The following TMCO5A variants were observed in gnomAD, a reference collection of about 807,000 sequenced individuals.
TMCO5A encodes transmembrane and coiled-coil domain-containing protein 5A.
Under a neutral mutation model 42.3 loss-of-function variants are expected in TMCO5A, and 34 were observed. That is an observed-to-expected ratio of 0.80 (90% CI 0.61 to 1.07). The LOEUF is 1.07. Among genes scored for constraint, TMCO5A ranks in the 50% least tolerant of loss-of-function variants. The pLI is 0.00. For missense variants in TMCO5A, 357 were observed against 327.9 expected (o/e 1.09, Z -0.69); for synonymous variants, 131 against 115.6 (o/e 1.13, Z -0.86).
the TMCO5A span, among the ~76,000 whole-genome samples, chr15:37,999,908 T>C: frequency 1.3e-5 from 2 of 152,158 alleles, no homozygotes; most frequent in Non-Finnish European, 2.9e-5. Flanking sequence ...GTCTAATGTG[T>C]TGTTGAATTT....
chr15:38,008,052 C>A, the TMCO5A span, among the ~76,000 whole-genome samples: 1 of 151,724 alleles, frequency 6.6e-6, no homozygotes, highest in Non-Finnish European at 1.5e-5. Flanking sequence ...CCTGCCACCA[C>A]GCCTGGCTAA....
At chr15:37,977,477 C>CA in the TMCO5A span, among the ~76,000 whole-genome samples, 1 of 152,190 alleles carries the variant, frequency 6.6e-6, no homozygotes, top group East Asian at 1.9e-4. Flanking sequence ...TGTATATTAG[C>CA]AAAGTATTTT....
At chr15:37,990,951 T>A in the TMCO5A span, among the ~76,000 whole-genome samples, 1 of 152,128 alleles carries the variant, frequency 6.6e-6, no homozygotes, top group Non-Finnish European at 1.5e-5. Context: ...ACAAATTACG[T>A]CTTTATACGT....
At chr15:38,038,898 A>G in the TMCO5A span, among the ~76,000 whole-genome samples, 2 of 152,210 alleles carry the variant, frequency 1.3e-5, no homozygotes, top group East Asian at 1.9e-4. Context: ...CTGCACACTG[A>G]GTCATCTCTA....
chr15:37,976,425 G>C, the TMCO5A span, among the ~76,000 whole-genome samples: 1 of 152,040 alleles, frequency 6.6e-6, no homozygotes, highest in Non-Finnish European at 1.5e-5. Flanking sequence ...GGGGTTCTCT[G>C]TATTTCTTGA....
At chr15:38,010,424 A>AGCACACACACACAC in the TMCO5A span, among the ~76,000 whole-genome samples, 1 of 30,058 alleles carries the variant, frequency 3.3e-5, no homozygotes. Context: ...GCAGAGGGAG[A>AGCACACACACACAC]TCACACACAC....
the TMCO5A span, chr15:38,040,275 T>C: frequency 0.24 from 36,251 of 152,062 alleles, 4,982 homozygotes; most frequent in East Asian, 0.54. Flanking sequence ...ATGGGGATAC[T>C]TAAGGTCCAT....
the TMCO5A span, among the ~76,000 whole-genome samples, chr15:38,038,702 G>A: frequency 2.1e-4 from 32 of 152,206 alleles, no homozygotes; most frequent in Admixed American, 1.9e-3. Context: ...CACAACACCC[G>A]GCCTCGGAAG....
chr15:37,997,466 G>T, the TMCO5A span, among the ~76,000 whole-genome samples: 3 of 152,286 alleles, frequency 2.0e-5, no homozygotes, highest in East Asian at 5.8e-4. Flanking sequence ...TGAAAATGTG[G>T]TTTGTCTTTC....
chr15:37,938,953 C>A (rs187771991), intron 6 of TMCO5A, among the ~76,000 whole-genome samples: 1 of 152,102 alleles, frequency 6.6e-6, no homozygotes, highest in Non-Finnish European at 1.5e-5. Flanking sequence ...TTTGCCAACA[C>A]TGACATACTG....
the TMCO5A span, among the ~76,000 whole-genome samples, chr15:38,012,688 A>G: frequency 4.1e-3 from 630 of 152,326 alleles, 4 homozygotes; most frequent in African/African-American, 0.014. Context: ...TAAAAGAAGC[A>G]TAAAATTGTG....
chr15:37,943,276 C>A, intron 9 of TMCO5A, 65 bp from the exon 10 acceptor site: 3 of 1,484,120 alleles, frequency 2.0e-6, no homozygotes, highest in Non-Finnish European at 2.8e-6. Flanking sequence ...TTAAAATAAC[C>A]ATAGTGTAGT....
At chr15:37,936,202 C>T (rs1325890172) in intron 2 of TMCO5A, 112 bp from the exon 3 acceptor site, 4 of 1,241,222 alleles carry the variant, frequency 3.2e-6, no homozygotes. Flanking sequence ...TGGTATGCCC[C>T]CAGAGAGAGT....
At chr15:38,027,179 C>T in the TMCO5A span, among the ~76,000 whole-genome samples, 3,371 of 152,158 alleles carry the variant, frequency 0.022, 147 homozygotes, top group African/African-American at 0.077. Flanking sequence ...CCTGGAAAAA[C>T]GGCAGACACT....
At chr15:38,038,143 T>C in the TMCO5A span, among the ~76,000 whole-genome samples, 1 of 152,198 alleles carries the variant, frequency 6.6e-6, no homozygotes, top group East Asian at 1.9e-4. Context: ...CTTTTATAGA[T>C]ATAGAAAAAA....
At chr15:37,977,884 G>A in the TMCO5A span, among the ~76,000 whole-genome samples, 1 of 152,176 alleles carries the variant, frequency 6.6e-6, no homozygotes, top group Non-Finnish European at 1.5e-5. Flanking sequence ...TAACCTGGGG[G>A]CCCTGTCTGG....
chr15:37,973,309 T>C, the TMCO5A span, among the ~76,000 whole-genome samples: 1 of 152,084 alleles, frequency 6.6e-6, no homozygotes, highest in African/African-American at 2.4e-5. Context: ...TTTTGAATAG[T>C]TTTTTATAAT....
At chr15:37,987,700 C>G in the TMCO5A span, among the ~76,000 whole-genome samples, 1 of 151,930 alleles carries the variant, frequency 6.6e-6, no homozygotes, top group South Asian at 2.1e-4. Flanking sequence ...TTTTTGGGCT[C>G]TCTATTCTGT....
chr15:37,949,604 T>C (rs948462411), intron 11 of TMCO5A, among the ~76,000 whole-genome samples: 2 of 151,998 alleles, frequency 1.3e-5, no homozygotes, highest in Non-Finnish European at 2.9e-5. Context: ...GAACGAACTG[T>C]TCAATAAGAA....
Sources: allele counts gnomAD v4.1 joint callset (sites outside exome capture counted in the v4.1 genomes callset), GRCh38; gene constraint gnomAD v4.1.1; transcripts MANE v1.5; gene names NCBI Gene and HGNC (gene_info 2026-07-23, HGNC 2026-07-21).